Variants in TRIM44 observed in about 807,000 individuals in gnomAD.
The protein encoded by TRIM44 is tripartite motif containing 44.
TRIM44 carries 13 observed loss-of-function variants against 37.4 expected under a neutral mutation model. The ratio of observed to expected loss-of-function variants is 0.35; its 90% CI spans 0.23 to 0.55. TRIM44 has a LOEUF of 0.55. Among genes scored for constraint, TRIM44 ranks in the 20% least tolerant of loss-of-function variants. The pLI is 0.89. For synonymous variants in TRIM44, 175 were observed against 157.2 expected (o/e 1.11, Z -0.85); for missense variants, 426 against 437.2 (o/e 0.97, Z 0.23).
intron 1 of TRIM44, among the ~76,000 whole-genome samples, chr11:35,669,901 A>C (rs1851374234): frequency 6.6e-6 from 1 of 152,130 alleles, no homozygotes; most frequent in Non-Finnish European, 1.5e-5. Context: ...TGCTCACTGC[A>C]ACCTCCGCCT....
chr11:35,698,285 CT>C (rs1307936460), intron 2 of TRIM44, among the ~76,000 whole-genome samples: 1 of 133,062 alleles, frequency 7.5e-6, no homozygotes, highest in African/African-American at 3.0e-5. Context: ...ATTTATAATC[CT>C]TTGGGTACAT....
Position 35,811,617 on chromosome 11 carries a change from G to A in TRIM44, c.*5232G>A, listed in dbSNP as rs1185484165. On this transcript the variant is annotated 3_prime_UTR_variant, in exon 5 of 5. Transcript: ENST00000299413. ...TGAAATCAGAAGTCATATACTCAGA[G>A]GCCTTCAGGAGCCAAATGTGAAGAC... The A allele has an allele frequency of 6.6e-6, 1 of 152,158 alleles. No homozygotes were observed. The highest frequency in any genetic ancestry group is 1.5e-5 in the Non-Finnish European group (1 of 68,028). 9.4% of individuals were successfully genotyped at this position (152,158 alleles called of 1,614,324 possible).
At chr11:35,727,157 C>CA (rs56986873) in intron 3 of TRIM44, among the ~76,000 whole-genome samples, 1,870 of 91,652 alleles carry the variant, frequency 0.02, 19 homozygotes, top group African/African-American at 0.051. Flanking sequence ...GATCCTGTCT[C>CA]AAAAAAAAAA....
intron 2 of TRIM44, among the ~76,000 whole-genome samples, chr11:35,690,602 T>TAG (rs1181731172): frequency 6.6e-6 from 1 of 152,224 alleles, no homozygotes; most frequent in Non-Finnish European, 1.5e-5. Flanking sequence ...TTGTTACATA[T>TAG]AGAAGTGTTC....
At chr11:35,736,264 G>A (rs1852325156) in intron 4 of TRIM44, among the ~76,000 whole-genome samples, 1 of 152,030 alleles carries the variant, frequency 6.6e-6, no homozygotes, top group African/African-American at 2.4e-5. Flanking sequence ...TTTTGAAATG[G>A]ACTTTAAGCA....
intron 1 of TRIM44, among the ~76,000 whole-genome samples, chr11:35,664,719 A>G (rs1851312942): frequency 6.6e-6 from 1 of 152,234 alleles, no homozygotes; most frequent in Admixed American, 6.5e-5. Flanking sequence ...ATGCACATTC[A>G]GAAAGTGTGT....
intron 2 of TRIM44, among the ~76,000 whole-genome samples, chr11:35,709,160 A>T (rs1291922273): frequency 1.3e-5 from 2 of 152,086 alleles, no homozygotes; most frequent in Admixed American, 1.3e-4. Context: ...TAATTTTTGG[A>T]GGCTCTCATT....
intron 4 of TRIM44, among the ~76,000 whole-genome samples, chr11:35,745,194 T>C (rs1043985521): frequency 3.3e-5 from 5 of 152,128 alleles, no homozygotes; most frequent in African/African-American, 1.2e-4. Flanking sequence ...CCAACAGGTT[T>C]TTCTCTGCAC....
rs1194386704 is a variant in TRIM44 at position 35,663,752 on chromosome 11, C to G, written c.641C>G (p.Thr214Ser). The G allele has an allele frequency of 6.2e-7, 1 of 1,613,864 alleles. No individual in the cohort carries two copies. The highest frequency in any genetic ancestry group is 1.3e-5 in the African/African-American group (1 of 74,910). The change falls in exon 1 of 5, where the codon ACC becomes AGC. Residue 214 changes from threonine (T) to serine (S), a missense_variant. By Grantham distance (58) the Thr-to-Ser change is moderately conservative (BLOSUM62 1). This residue lies in a region of TRIM44 where 331 missense variants were observed against 303.0 expected (regional missense o/e 1.09). Coordinates refer to ENST00000299413, the MANE Select transcript of TRIM44 (RefSeq NM_017583.6). Reference sequence around the variant, plus strand: ...GCTCACCAGGGCCACCAACTCTCCACCCTAGACGAAGCCTTTGAAGAATTA... The same window carrying G: ...GCTCACCAGGGCCACCAACTCTCCAGCCTAGACGAAGCCTTTGAAGAATTA... ...IGAHQGHQLSTLDEAFEELRS... is the reference protein window; with the variant it reads ...IGAHQGHQLSSLDEAFEELRS...
intron 2 of TRIM44, among the ~76,000 whole-genome samples, chr11:35,701,878 T>C (rs574686767): frequency 6.6e-6 from 1 of 152,344 alleles, no homozygotes; most frequent in South Asian, 2.1e-4. Flanking sequence ...AGAGTCTGAC[T>C]GGTAAGTAGT....
At position 35,715,165 on chromosome 11, in the gene TRIM44, G is replaced by C. The variant is rs146887187; in HGVS notation, c.748-10759G>C. ...CACATCAAGTTGTCATGGCAATAAA[G>C]TTATAGCAGCTGACAGTGTGAACAA... is the stretch of plus-strand genomic sequence containing the variant. On this transcript the variant is annotated intron_variant, in intron 2 of 4. Transcript: ENST00000299413. Among the ~76,000 whole-genome samples the C allele has an allele frequency of 1.8e-3, 281 of 152,294 alleles. 2 individuals carry two copies. The highest frequency in any genetic ancestry group is 6.5e-3 in the African/African-American group (270 of 41,562).
chr11:35,767,051 T>C (rs1852807251), intron 4 of TRIM44, among the ~76,000 whole-genome samples: 1 of 152,194 alleles, frequency 6.6e-6, no homozygotes, highest in South Asian at 2.1e-4. Flanking sequence ...AAACAACACG[T>C]TTCTGGTGCT....
chr11:35,767,549 G>A (rs1182120980), intron 4 of TRIM44, among the ~76,000 whole-genome samples: 1 of 151,608 alleles, frequency 6.6e-6, no homozygotes, highest in Non-Finnish European at 1.5e-5. Flanking sequence ...GCTGTGGTGG[G>A]ATAATGAGGA....
chr11:35,764,065 A>G (rs907043930), intron 4 of TRIM44, among the ~76,000 whole-genome samples: 38 of 151,146 alleles, frequency 2.5e-4, no homozygotes, highest in African/African-American at 9.0e-4. Flanking sequence ...ACTTTGGCCA[A>G]CTCTTTCTTC....
chr11:35,805,959 AC>A (rs1202306649), intron 4 of TRIM44, among the ~76,000 whole-genome samples: 1 of 152,066 alleles, frequency 6.6e-6, no homozygotes, highest in Non-Finnish European at 1.5e-5. Context: ...TTCTCTCCTA[AC>A]AGTAGATGGC....
chr11:35,669,009 A>G (rs1044917975), intron 1 of TRIM44, among the ~76,000 whole-genome samples: 3 of 152,126 alleles, frequency 2.0e-5, no homozygotes, highest in African/African-American at 4.8e-5. Flanking sequence ...TAATTCTAGT[A>G]TGTGAAGACT....
At chr11:35,779,159 G>C (rs1383877017) in intron 4 of TRIM44, among the ~76,000 whole-genome samples, 1 of 152,206 alleles carries the variant, frequency 6.6e-6, no homozygotes, top group Non-Finnish European at 1.5e-5. Flanking sequence ...CCCTCCCCCA[G>C]CCTTGCTGCC....
chr11:35,751,719 C>T (rs1201819174), intron 4 of TRIM44, among the ~76,000 whole-genome samples: 1 of 152,138 alleles, frequency 6.6e-6, no homozygotes, highest in Non-Finnish European at 1.5e-5. Context: ...TCTGTTAAGA[C>T]ATAATTGTAT....
intron 4 of TRIM44, among the ~76,000 whole-genome samples, chr11:35,760,282 C>T (rs1215424257): frequency 6.6e-6 from 1 of 152,246 alleles, no homozygotes; most frequent in Non-Finnish European, 1.5e-5. Context: ...GGGCGTAGGA[C>T]CCTCCGAGCC....
Sources: allele counts gnomAD v4.1 joint callset (sites outside exome capture counted in the v4.1 genomes callset), GRCh38; gene constraint gnomAD v4.1.1; regional missense constraint gnomAD v4.1.1; transcripts MANE v1.5; gene names NCBI Gene and HGNC (gene_info 2026-07-23, HGNC 2026-07-21).